The following CFAP45 variants were observed in gnomAD, a reference collection of about 807,000 sequenced individuals.
CFAP45 encodes cilia- and flagella-associated protein 45.
Under a neutral mutation model 75.6 loss-of-function variants are expected in CFAP45, and 43 were observed. The ratio of observed to expected loss-of-function variants is 0.57; its 90% CI spans 0.45 to 0.73. The LOEUF is 0.73. Ranked by LOEUF, CFAP45 falls within the 30% of genes least tolerant of loss-of-function variation. CFAP45 has a pLI of 0.00. For missense variants in CFAP45, 689 were observed against 701.5 expected, an observed-to-expected ratio of 0.98 and a Z score of 0.20; for synonymous variants, 223 against 244.6, an observed-to-expected ratio of 0.91 and a Z score of 0.82.
intron 1 of CFAP45, among the ~76,000 whole-genome samples, chr1:159,894,041 A>G (rs1000324876): frequency 6.6e-6 from 1 of 152,186 alleles, no homozygotes; most frequent in Non-Finnish European, 1.5e-5. Context: ...ACCCTGATTC[A>G]ATCATTACAC....
Position 159,877,399 on chromosome 1 carries a change from C to A in CFAP45, c.1108G>T (p.Ala370Ser). The change falls in exon 9 of 12, where the codon GCA becomes TCA. Residue 370 changes from alanine (A) to serine (S), a missense_variant. Ala to Ser is a moderately conservative substitution (Grantham distance 99). Transcript: ENST00000368099. ...RIRREKEKEI[A>S]RLRAMQEKAQ... The stretch of plus-strand genomic sequence containing the variant: ...TTCTCCTGCATGGCCCTCAAGCGTG[C>A]GATCTCCTTCTCTTTCTCCCTCCGG... 6.2e-7 allele frequency: 1 copy of A among 1,614,054 alleles called. No homozygotes were observed. The highest frequency in any genetic ancestry group is 8.5e-7 in the Non-Finnish European group (1 of 1,179,948).
intron 7 of CFAP45, among the ~76,000 whole-genome samples, chr1:159,882,026 C>T (rs1195395040): frequency 6.6e-6 from 1 of 152,218 alleles, no homozygotes. Flanking sequence ...GTGTGTCTTC[C>T]TGTAGTGCTG....
At chr1:159,883,259 A>G (rs1242130244) in intron 7 of CFAP45, among the ~76,000 whole-genome samples, 1 of 151,740 alleles carries the variant, frequency 6.6e-6, no homozygotes, top group Non-Finnish European at 1.5e-5. Context: ...ATGCTTCAAA[A>G]TATCAGTGTT....
intron 6 of CFAP45, 142 bp from the exon 7 acceptor site, chr1:159,884,707 T>G: frequency 1.2e-6 from 1 of 855,854 alleles, no homozygotes; most frequent in Non-Finnish European, 1.8e-6. Context: ...ATATGCTTCA[T>G]GAGCCCAGAC....
Position 159,872,400 on chromosome 1 carries a change from G to T in CFAP45, c.*85C>A. Reference sequence around the variant, plus strand: ...TAGATTTAATCTGTAACTATGAAATGTCTAGGTTAGCAGCAATTATGGATG... The same window carrying T: ...TAGATTTAATCTGTAACTATGAAATTTCTAGGTTAGCAGCAATTATGGATG... On this transcript the variant is annotated 3_prime_UTR_variant, in exon 12 of 12. Coordinates refer to ENST00000368099, the MANE Select transcript of CFAP45 (RefSeq NM_012337.3). The T allele has an allele frequency of 1.9e-6, 2 of 1,031,716 alleles. No individual in the cohort carries two copies. Among genetic ancestry groups the T allele is most frequent in the Non-Finnish European group, 3.1e-6 (2 of 651,250 alleles). 63.9% of individuals were successfully genotyped at this position (1,031,716 alleles called of 1,614,324 possible).
At chr1:159,885,067 G>C (rs1193568640) in intron 6 of CFAP45, among the ~76,000 whole-genome samples, 1 of 152,192 alleles carries the variant, frequency 6.6e-6, no homozygotes, top group Non-Finnish European at 1.5e-5. Context: ...ATGAGTAAAG[G>C]CTGGAAGAAC....
At chr1:159,879,630 C>T (rs893030669) in intron 8 of CFAP45, among the ~76,000 whole-genome samples, 11 of 152,216 alleles carry the variant, frequency 7.2e-5, no homozygotes, top group Non-Finnish European at 1.5e-4. Context: ...GTGTCCCCAG[C>T]ATCCAATAAG....
chr1:159,897,713 A>G (rs976177247), intron 1 of CFAP45, among the ~76,000 whole-genome samples: 2 of 152,174 alleles, frequency 1.3e-5, no homozygotes, highest in African/African-American at 4.8e-5. Context: ...CCATCTTAAG[A>G]TGTTTCTTTA....
At chr1:159,893,772 A>T (rs894289833) in intron 1 of CFAP45, among the ~76,000 whole-genome samples, 3 of 152,140 alleles carry the variant, frequency 2.0e-5, no homozygotes, top group Admixed American at 1.3e-4. Flanking sequence ...GATTTTGAGA[A>T]ATATAAATGT....
chr1:159,872,433 A>G lies in CFAP45; in HGVS notation c.*52T>C. On this transcript the variant is annotated 3_prime_UTR_variant, in exon 12 of 12. Transcript: ENST00000368099. ...TAGCAGCAATTATGGATGCCCAGAGACTGGGCAGAATCTGTCCCCCGAAGG... is the reference window on the plus strand; with the variant it reads ...TAGCAGCAATTATGGATGCCCAGAGGCTGGGCAGAATCTGTCCCCCGAAGG... The G allele has an allele frequency of 1.5e-6, 2 of 1,327,108 alleles. No individual in the cohort carries two copies. The highest frequency in any genetic ancestry group is 2.2e-6 in the Non-Finnish European group (2 of 918,136). 82.2% of individuals were successfully genotyped at this position (1,327,108 alleles called of 1,614,324 possible). A position where few individuals can be genotyped will look rare whatever the true frequency, so the allele number is the denominator to read the frequency against.
At chr1:159,883,072 C>T (rs1280621396) in intron 7 of CFAP45, among the ~76,000 whole-genome samples, 1 of 152,192 alleles carries the variant, frequency 6.6e-6, no homozygotes, top group African/African-American at 2.4e-5. Flanking sequence ...GCACTCTTCA[C>T]GTCCCCCTGT....
At chr1:159,876,874 T>C in intron 9 of CFAP45, 125 bp from the exon 10 acceptor site, 1 of 892,152 alleles carries the variant, frequency 1.1e-6, no homozygotes, top group South Asian at 1.4e-5. Context: ...TGAATTTCTC[T>C]GGCAGCTAGT....
chr1:159,882,348 G>A (rs911802595), intron 7 of CFAP45, among the ~76,000 whole-genome samples: 4 of 152,100 alleles, frequency 2.6e-5, no homozygotes, highest in Non-Finnish European at 5.9e-5. Context: ...AGCTAAAGAT[G>A]CTGTTGATTT....
rs1272741838 is a variant in CFAP45 at position 159,877,329 on chromosome 1, A to G, written c.1158+20T>C. On this transcript the variant is annotated intron_variant, in intron 9 of 11. Coordinates refer to ENST00000368099, the MANE Select transcript of CFAP45 (RefSeq NM_012337.3). Reference sequence around the variant, plus strand: ...CAAGGGAGTGGGAAAAGTAGAGGGAAGTCGAGACTAAGCAGGTACCTGTTC... The same window carrying G: ...CAAGGGAGTGGGAAAAGTAGAGGGAGGTCGAGACTAAGCAGGTACCTGTTC... 1 of 1,505,426 alleles carries G rather than the reference A, an allele frequency of 6.6e-7. No individual in the cohort carries two copies. The highest frequency in any genetic ancestry group is 1.7e-5 in the Admixed American group (1 of 59,910). 93.3% of individuals were successfully genotyped at this position (1,505,426 alleles called of 1,614,324 possible). A position where few individuals can be genotyped will look rare whatever the true frequency, so the allele number is the denominator to read the frequency against.
intron 9 of CFAP45, 126 bp from the exon 10 acceptor site, chr1:159,876,875 G>T: frequency 1.1e-6 from 1 of 892,114 alleles, no homozygotes; most frequent in Non-Finnish European, 1.8e-6. Context: ...GAATTTCTCT[G>T]GCAGCTAGTT....
At chr1:159,874,442 G>A (rs1237342320) in intron 10 of CFAP45, among the ~76,000 whole-genome samples, 1 of 152,206 alleles carries the variant, frequency 6.6e-6, no homozygotes, top group African/African-American at 2.4e-5. Flanking sequence ...TTTACCCGAA[G>A]AATACTGTTG....
At position 159,872,951 on chromosome 1, in the gene CFAP45, C is replaced by T. The variant is rs557820935; in HGVS notation, c.1570G>A (p.Glu524Lys). The change falls in exon 11 of 12, where the codon GAG becomes AAG. Residue 524 changes from glutamate to lysine, a missense_variant. Transcript: ENST00000368099. ...GAGGAGATTCCAGCGCACCTCAGCT[C>T]TTCAAGCTTTTTCCTCTTGATCTCA... is the stretch of plus-strand genomic sequence containing the variant. ...IDEIKRKKLE[E>K]LRATGLPEKY... 6.2e-7 allele frequency: 1 copy of T among 1,614,128 alleles called. No homozygotes were observed. Among genetic ancestry groups the T allele is most frequent in the Non-Finnish European group, 8.5e-7 (1 of 1,179,948 alleles).
At chr1:159,897,618 G>C (rs1413312739) in intron 1 of CFAP45, among the ~76,000 whole-genome samples, 1 of 152,150 alleles carries the variant, frequency 6.6e-6, no homozygotes, top group Non-Finnish European at 1.5e-5. Context: ...CTCTTGTAAA[G>C]ATGTTTGTAT....
intron 2 of CFAP45, among the ~76,000 whole-genome samples, chr1:159,891,825 G>T (rs1649836420): frequency 1.3e-5 from 2 of 152,130 alleles, no homozygotes; most frequent in South Asian, 4.1e-4. Flanking sequence ...ACCCATCAAT[G>T]AGGCCAAAGA....
Sources: allele counts gnomAD v4.1 joint callset (sites outside exome capture counted in the v4.1 genomes callset), GRCh38; gene constraint gnomAD v4.1.1; transcripts MANE v1.5; gene names NCBI Gene and HGNC (gene_info 2026-07-23, HGNC 2026-07-21).